Variants in CSMD3 observed in about 807,000 individuals in gnomAD.
CSMD3 encodes CUB and Sushi multiple domains 3.
Under a neutral mutation model 435.2 loss-of-function variants are expected in CSMD3, and 177 were observed. The observed-to-expected ratio is 0.41, with a 90% CI of 0.36 to 0.46. The LOEUF (loss-of-function observed/expected upper bound fraction) is 0.46, where lower values mean the gene tolerates loss of function less well. Among genes scored for constraint, CSMD3 ranks in the 20% least tolerant of loss-of-function variants. CSMD3 has a pLI of 0.34. For synonymous variants in CSMD3, 1,656 were observed against 1,520.5 expected (o/e 1.09, Z -2.07); for missense variants, 4,265 against 4,504.6 (o/e 0.95, Z 1.52).
chr8:113,041,224 G>C (rs1354903448), intron 5 of CSMD3, among the ~76,000 whole-genome samples: 1 of 131,718 alleles, frequency 7.6e-6, no homozygotes, highest in Non-Finnish European at 1.6e-5. Flanking sequence ...AAAAGGGGGG[G>C]GTGGGGGGGA....
intron 22 of CSMD3, among the ~76,000 whole-genome samples, chr8:112,635,735 G>C (rs1054464673): frequency 1.3e-5 from 2 of 152,022 alleles, no homozygotes; most frequent in African/African-American, 2.4e-5. Context: ...TTTTTGGCTT[G>C]ATTTGTGGTT....
At chr8:112,681,378 T>C (rs561336726) in intron 16 of CSMD3, among the ~76,000 whole-genome samples, 2 of 152,072 alleles carry the variant, frequency 1.3e-5, no homozygotes, top group South Asian at 2.1e-4. Context: ...ATAAAATAGA[T>C]ATGTATTATT....
intron 4 of CSMD3, among the ~76,000 whole-genome samples, chr8:113,114,113 C>G (rs959272227): frequency 1.3e-5 from 2 of 151,766 alleles, no homozygotes; most frequent in African/African-American, 4.8e-5. Flanking sequence ...TAGACAGGTA[C>G]AATAATAATC....
chr8:112,556,407 T>C (rs1322397563), intron 25 of CSMD3, among the ~76,000 whole-genome samples: 1 of 151,970 alleles, frequency 6.6e-6, no homozygotes, highest in African/African-American at 2.4e-5. Flanking sequence ...TAGGTAATAA[T>C]TTTGTAAATT....
intron 26 of CSMD3, among the ~76,000 whole-genome samples, chr8:112,551,122 T>C (rs1827646046): frequency 6.6e-6 from 1 of 152,102 alleles, no homozygotes; most frequent in African/African-American, 2.4e-5. Flanking sequence ...ATACATTCTT[T>C]CCCGTGTTCA....
At chr8:112,364,030 A>T (rs571052955) in intron 38 of CSMD3, among the ~76,000 whole-genome samples, 1 of 152,002 alleles carries the variant, frequency 6.6e-6, no homozygotes, top group Non-Finnish European at 1.5e-5. Context: ...TAATTAGCTC[A>T]AGGGAGAAGA....
intron 32 of CSMD3, among the ~76,000 whole-genome samples, chr8:112,455,461 A>G (rs1816734410): frequency 1.3e-5 from 2 of 152,060 alleles, no homozygotes; most frequent in South Asian, 4.1e-4. Context: ...ATTGGGTATT[A>G]TGTTTAGTAC....
Position 112,223,188 on chromosome 8 carries a change from A to G in CSMD3, c.*1583T>C. On this transcript the variant is annotated 3_prime_UTR_variant, in exon 71 of 71. Transcript: ENST00000297405. ...AATAACTGATGGCATAAAATTTAAA[A>G]CTGCATCCTGCCAGTAGAGTACCAT... The G allele has an allele frequency of 2.5e-6, 1 of 395,606 alleles. No homozygotes were observed. The highest frequency in any genetic ancestry group is 3.6e-5 in the East Asian group (1 of 27,822). 24.5% of individuals were successfully genotyped at this position (395,606 alleles called of 1,614,324 possible).
intron 5 of CSMD3, among the ~76,000 whole-genome samples, chr8:113,082,673 T>A (rs1441358262): frequency 6.6e-6 from 1 of 151,968 alleles, no homozygotes; most frequent in African/African-American, 2.4e-5. Context: ...GGAAACTCAG[T>A]GAGAAGCAAG....
chr8:112,858,358 T>C (rs897522863), intron 11 of CSMD3, among the ~76,000 whole-genome samples: 1 of 151,740 alleles, frequency 6.6e-6, no homozygotes, highest in Admixed American at 6.6e-5. Flanking sequence ...TATACATCAG[T>C]ATATGAAACA....
At chr8:112,943,601 T>C (rs1279387298) in intron 9 of CSMD3, among the ~76,000 whole-genome samples, 1 of 151,774 alleles carries the variant, frequency 6.6e-6, no homozygotes, top group Non-Finnish European at 1.5e-5. Flanking sequence ...AAAAGTACAT[T>C]ACTTCATAAC....
intron 4 of CSMD3, among the ~76,000 whole-genome samples, chr8:113,135,438 T>G (rs1046202080): frequency 6.6e-6 from 1 of 151,758 alleles, no homozygotes; most frequent in African/African-American, 2.4e-5. Context: ...TAATATATAT[T>G]GTGCTCCTAC....
intron 1 of CSMD3, among the ~76,000 whole-genome samples, chr8:113,316,934 CTA>C (rs772784541): frequency 6.6e-5 from 10 of 152,120 alleles, no homozygotes; most frequent in Non-Finnish European, 1.3e-4. Context: ...CAATATAATC[CTA>C]TCCTCTGAGC....
intron 65 of CSMD3, 128 bp downstream of exon 65, chr8:112,244,263 ACTC>A: frequency 1.4e-6 from 1 of 728,702 alleles, no homozygotes; most frequent in Middle Eastern, 3.8e-4. Context: ...TGTTTACATT[ACTC>A]CTAGACTTGG....
chr8:112,999,312 C>A (rs1288917200), intron 6 of CSMD3, among the ~76,000 whole-genome samples: 2 of 151,820 alleles, frequency 1.3e-5, no homozygotes, highest in Non-Finnish European at 2.9e-5. Flanking sequence ...TGAAGAGTAT[C>A]AGAAATTGAG....
At chr8:112,791,619 T>G (rs1382650604) in intron 13 of CSMD3, among the ~76,000 whole-genome samples, 1 of 151,348 alleles carries the variant, frequency 6.6e-6, no homozygotes, top group Admixed American at 6.6e-5. Flanking sequence ...CCAATTTTTG[T>G]TATATACTCA....
chr8:113,319,258 G>A (rs2093932669), intron 1 of CSMD3, among the ~76,000 whole-genome samples: 1 of 151,904 alleles, frequency 6.6e-6, no homozygotes, highest in African/African-American at 2.4e-5. Context: ...ATACTTACGG[G>A]AGTAAGGCAA....
At chr8:113,391,618 G>A (rs552877079) in intron 1 of CSMD3, among the ~76,000 whole-genome samples, 122 of 152,068 alleles carry the variant, frequency 8.0e-4, no homozygotes, top group Non-Finnish European at 1.4e-3. Flanking sequence ...AAAATACTGC[G>A]TAATGGTCCT....
intron 13 of CSMD3, among the ~76,000 whole-genome samples, chr8:112,776,140 T>C (rs1011518011): frequency 1.3e-4 from 20 of 151,928 alleles, no homozygotes; most frequent in African/African-American, 4.1e-4. Flanking sequence ...CATTTTCCTA[T>C]TGACTCCTTA....
Sources: gnomAD v4.1 joint callset for allele counts (sites outside exome capture counted in the v4.1 genomes callset) on GRCh38, gnomAD v4.1.1 for gene constraint, MANE v1.5 for transcripts, NCBI Gene and HGNC (gene_info 2026-07-23, HGNC 2026-07-21) for gene names.